SRP19: variants seen among roughly 807,000 people sequenced by gnomAD.
The protein encoded by SRP19 is signal recognition particle 19 kDa protein.
In SRP19, 11 loss-of-function variants were observed where a neutral mutation model predicts 22.4. The ratio of observed to expected loss-of-function variants is 0.49; its 90% CI spans 0.31 to 0.81. SRP19 has a LOEUF of 0.81. Ranked by LOEUF, SRP19 falls within the 40% of genes least tolerant of loss-of-function variation. The probability of loss-of-function intolerance (pLI) is 0.05; values close to 1 mark genes in which losing one functional copy is unlikely to be tolerated. For missense variants in SRP19, 168 were observed against 175.9 expected, an observed-to-expected ratio of 0.96 and a Z score of 0.25; for synonymous variants, 61 against 57.6, an observed-to-expected ratio of 1.06 and a Z score of -0.27.
In SRP19 at chr5:112,868,062, A is replaced by T; in HGVS notation, c.*525A>T. ...GGGACAGGGGAGTCTGTAAAAAGCC[A>T]GTCTGTAGATGATATTTTAATATAT... is the stretch of plus-strand genomic sequence containing the variant. On this transcript the variant is annotated 3_prime_UTR_variant, in exon 5 of 5. Coordinates refer to ENST00000505459, the MANE Select transcript of SRP19 (RefSeq NM_003135.3). 1 of 985,506 alleles carries T rather than the reference A, an allele frequency of 1.0e-6. No homozygotes were observed. Among genetic ancestry groups the T allele is most frequent in the African/African-American group, 1.7e-5 (1 of 57,342 alleles). 61.0% of individuals were successfully genotyped at this position (985,506 alleles called of 1,614,324 possible).
In SRP19 at chr5:112,869,707, T is replaced by C. The variant is rs1182265887; in HGVS notation, c.*2170T>C. ...GGGGCAATTTCCCCTGTGCTGTTCTTGAGATAATGAGTGACTCTCAGGAGA... is the reference window on the plus strand; with the variant it reads ...GGGGCAATTTCCCCTGTGCTGTTCTCGAGATAATGAGTGACTCTCAGGAGA... On this transcript the variant is annotated 3_prime_UTR_variant, in exon 5 of 5. Coordinates refer to ENST00000505459, the MANE Select transcript of SRP19 (RefSeq NM_003135.3). The C allele has an allele frequency of 2.6e-5, 4 of 152,148 alleles. No individual in the cohort carries two copies. The highest frequency in any genetic ancestry group is 2.6e-4 in the Admixed American group (4 of 15,282). The allele number at this position is 152,148 out of a possible 1,614,324, so 9.4% of individuals were successfully genotyped here. A position where few individuals can be genotyped will look rare whatever the true frequency, so the allele number is the denominator to read the frequency against.
At chr5:112,873,390 A>AGAC (rs1263374311), downstream of SRP19, among the ~76,000 whole-genome samples, 2 of 127,048 alleles carry the variant, frequency 1.6e-5, no homozygotes, top group East Asian at 5.0e-4. Context: ...ACCGTCACCC[A>AGAC]GACTGGAGTG....
chr5:112,878,836 CTGTT>C (rs757695211), intron 4 of SRP19: 31 of 1,613,832 alleles, frequency 1.9e-5, no homozygotes, highest in South Asian at 1.4e-4. Context: ...GCTTTCTTCG[CTGTT>C]TGTTTGTTAG....
chr5:112,877,425 T>C (rs1767931292), intron 4 of SRP19: 1 of 152,136 alleles, frequency 6.6e-6, no homozygotes, highest in African/African-American at 2.4e-5. Flanking sequence ...TCAGATTTTC[T>C]AGTCCAGACA....
intron 4 of SRP19, chr5:112,878,476 C>T (rs1767964025): frequency 5.8e-6 from 2 of 344,302 alleles, no homozygotes; most frequent in Non-Finnish European, 1.1e-5. Flanking sequence ...AAGTACACAG[C>T]CTGTGGGGTA....
At chr5:112,872,246 G>T (rs1323570429), downstream of SRP19, among the ~76,000 whole-genome samples, 1 of 150,778 alleles carries the variant, frequency 6.6e-6, no homozygotes, top group Non-Finnish European at 1.5e-5. Flanking sequence ...GGCCTCTGGT[G>T]AAAGATTGTG....
At chr5:112,886,351 G>C (rs916524455) in intron 4 of SRP19, among the ~76,000 whole-genome samples, 1 of 152,224 alleles carries the variant, frequency 6.6e-6, no homozygotes, top group African/African-American at 2.4e-5. Context: ...AAGAGTGGTA[G>C]TTTGCCCTAA....
intron 4 of SRP19, among the ~76,000 whole-genome samples, chr5:112,866,376 A>G (rs1277986582): frequency 1.3e-5 from 2 of 152,130 alleles, no homozygotes; most frequent in Non-Finnish European, 2.9e-5. Flanking sequence ...TTGGCCTCCC[A>G]GAATGTTGGG....
downstream of SRP19, among the ~76,000 whole-genome samples, chr5:112,870,567 G>A (rs1253526199): frequency 1.3e-5 from 2 of 152,154 alleles, no homozygotes; most frequent in Non-Finnish European, 2.9e-5. Context: ...GGGGCAATAA[G>A]GATTGTCAGT....
At chr5:112,870,101 CTG>C (rs2150028850), downstream of SRP19, among the ~76,000 whole-genome samples, 1 of 152,266 alleles carries the variant, frequency 6.6e-6, no homozygotes, top group East Asian at 1.9e-4. Context: ...ACCAAGGTAA[CTG>C]AAACCACAGA....
intron 2 of SRP19, 61 bp from the exon 3 acceptor site, chr5:112,864,396 A>G: frequency 1.4e-6 from 2 of 1,399,602 alleles, no homozygotes; most frequent in South Asian, 1.2e-5. Context: ...TATTTACCCA[A>G]CACTATGGCA....
chr5:112,864,477 T>C lies in SRP19; in HGVS notation c.138T>C (p.Ala46=), dbSNP rs200167798. 5.0e-6 allele frequency: 8 copies of C among 1,613,752 alleles called. No individual in the cohort carries two copies. The East Asian group carries it at 1.8e-4, about 36-fold the overall frequency. The change falls in exon 3 of 5, where the codon GCT becomes GCC. Residue 46 remains alanine, a synonymous_variant. Transcript: ENST00000505459. ...TTCAGGCTGTTGAAAATCCTACAGC[T>C]ACAGAGATTCAAGATGTATGTTCAG... is the stretch of plus-strand genomic sequence containing the variant. The part of the protein sequence containing the change: ...PISKAVENPT[A]TEIQDVCSAV...
chr5:112,872,698 A>G (rs1039809362), downstream of SRP19, among the ~76,000 whole-genome samples: 5 of 152,020 alleles, frequency 3.3e-5, no homozygotes, highest in East Asian at 7.7e-4. Flanking sequence ...CTAGTGCACA[A>G]CTTCACTCTG....
Position 112,864,448 on chromosome 5 carries a change from A to G in SRP19, c.118-9A>G. The stretch of plus-strand genomic sequence containing the variant: ...CATATATTTAGTGTTTATGTTTTTA[A>G]CTGTTCAGGCTGTTGAAAATCCTAC... On this transcript the variant is annotated splice_polypyrimidine_tract_variant and intron_variant, in intron 2 of 4. Coordinates refer to ENST00000505459, the MANE Select transcript of SRP19 (RefSeq NM_003135.3). 6.2e-7 allele frequency: 1 copy of G among 1,611,922 alleles called. No individual in the cohort carries two copies. Among genetic ancestry groups the G allele is most frequent in the Non-Finnish European group, 8.5e-7 (1 of 1,179,034 alleles).
downstream of SRP19, among the ~76,000 whole-genome samples, chr5:112,873,449 C>T (rs1418267405): frequency 5.5e-4 from 83 of 149,952 alleles, no homozygotes; most frequent in Non-Finnish European, 9.2e-4. Flanking sequence ...TGGGTTCAAG[C>T]GATTCTCCTG....
chr5:112,883,742 C>T (rs1186175612), intron 4 of SRP19, among the ~76,000 whole-genome samples: 1 of 152,114 alleles, frequency 6.6e-6, no homozygotes, highest in Non-Finnish European at 1.5e-5. Context: ...CAAACAGACA[C>T]CTCAAACAAA....
At chr5:112,886,681 G>C (rs1285001656) in intron 4 of SRP19, among the ~76,000 whole-genome samples, 1 of 152,086 alleles carries the variant, frequency 6.6e-6, no homozygotes, top group East Asian at 1.9e-4. Flanking sequence ...ATGTAATTAA[G>C]TATAATACAA....
chr5:112,868,510 C>T lies in SRP19; in HGVS notation c.*973C>T, dbSNP rs2545751. 0.81 allele frequency: 352,118 copies of T among 432,406 alleles called. 143,877 individuals are homozygous for T. Among genetic ancestry groups the T allele is most frequent in the African/African-American group, 0.96 (44,898 of 46,644 alleles). The allele number at this position is 432,406 out of a possible 1,614,324, so 26.8% of individuals were successfully genotyped here. ...CTGCATCCCAGGTTCAAGAGATTCT[C>T]CTGCCTCAGCCTCCCTAGGAGCTGG... On this transcript the variant is annotated 3_prime_UTR_variant, in exon 5 of 5. Coordinates refer to ENST00000505459, the MANE Select transcript of SRP19 (RefSeq NM_003135.3).
At chr5:112,875,742 A>G (rs1767878759) in intron 4 of SRP19, among the ~76,000 whole-genome samples, 1 of 152,274 alleles carries the variant, frequency 6.6e-6, no homozygotes, top group Non-Finnish European at 1.5e-5. Context: ...TTGGAGGCAC[A>G]TGTAAAAAGT....
Sources: allele counts gnomAD v4.1 joint callset (sites outside exome capture counted in the v4.1 genomes callset), GRCh38; gene constraint gnomAD v4.1.1; transcripts MANE v1.5; gene names NCBI Gene and HGNC (gene_info 2026-07-23, HGNC 2026-07-21).